ZNF717: variants seen among roughly 807,000 people sequenced by gnomAD.
ZNF717 encodes krueppel-like factor X17.
A neutral mutation model predicts 13.8 loss-of-function variants in ZNF717; 9 were observed. The ratio of observed to expected loss-of-function variants is 0.65; its 90% CI spans 0.39 to 1.14. ZNF717 has a LOEUF of 1.14. ZNF717 is among the 50% of genes most tolerant of loss of function. The pLI is 0.01. For missense variants in ZNF717, 1,040 were observed against 1,080.7 expected, an observed-to-expected ratio of 0.96 and a Z score of 0.53; for synonymous variants, 327 against 364.1, an observed-to-expected ratio of 0.90 and a Z score of 1.16.
chr3:75,746,218 G>C (rs1024569669), intron 2 of ZNF717, among the ~76,000 whole-genome samples: 3 of 152,068 alleles, frequency 2.0e-5, no homozygotes, highest in Admixed American at 6.6e-5. Context: ...ATTTTTTATG[G>C]CTGCATAGTA....
intron 4 of ZNF717, among the ~76,000 whole-genome samples, chr3:75,721,745 G>C (rs1178343633): frequency 1.3e-5 from 2 of 151,778 alleles, no homozygotes; most frequent in African/African-American, 4.8e-5. Context: ...ATGATAGAAA[G>C]AAAAAATGAA....
At chr3:75,741,979 A>G (rs1940525124) in intron 2 of ZNF717, 1 of 505,286 alleles carries the variant, frequency 2.0e-6, no homozygotes. Flanking sequence ...TGTATTTTAC[A>G]TAAGATGTAG....
At position 75,778,236 on chromosome 3, in the gene ZNF717, GC is replaced by G. The variant is rs1288932876; in HGVS notation, c.57+5069del. 2.8e-4 allele frequency among the ~76,000 whole-genome samples: 33 copies of G among 118,604 alleles called. 1 individual carries two copies. The highest frequency in any genetic ancestry group is 4.6e-4 in the Non-Finnish European group (26 of 56,964). The allele number at this position is 118,604 out of a possible 152,430, so 77.8% of individuals were successfully genotyped here. On this transcript the variant is annotated intron_variant, in intron 2 of 4. Transcript: ENST00000652011. ...TAAAACTGGAACCCAAAACAATGGAGCTGACGTGCTAAAACCGGAACCCAAA... is the reference window on the plus strand; with the variant it reads ...TAAAACTGGAACCCAAAACAATGGAGTGACGTGCTAAAACCGGAACCCAAA...
intron 2 of ZNF717, among the ~76,000 whole-genome samples, chr3:75,765,027 A>ATATATATATATG (rs1943348111): frequency 2.4e-5 from 1 of 42,078 alleles, no homozygotes; most frequent in African/African-American, 1.0e-4. Context: ...ATATATATAT[A>ATATATATATATG]TATGTATATG....
intron 2 of ZNF717, among the ~76,000 whole-genome samples, chr3:75,761,667 A>G (rs1178338517): frequency 6.6e-6 from 1 of 152,292 alleles, no homozygotes; most frequent in African/African-American, 2.4e-5. Context: ...GAAATTCAAC[A>G]AAGTTTCAGG....
intron 5 of ZNF717, among the ~76,000 whole-genome samples, chr3:75,715,747 C>T (rs79206495): frequency 6.6e-6 from 1 of 152,046 alleles, no homozygotes; most frequent in Admixed American, 6.6e-5. Context: ...AGTGAATGGG[C>T]AGAAGAAGGA....
chr3:75,738,097 C>A lies in ZNF717; in HGVS notation c.1526G>T (p.Cys509Phe). ...WTHTGEKPYE[C>F]NECGKTFRCK... ...GCGAAAGGTTTTCCCACATTCATTG[C>A]ATTCGTAGGGTTTTTCCCCTGTGTG... The change falls in exon 5 of 5, where the codon TGC becomes TTC. Residue 509 changes from cysteine (C) to phenylalanine (F), a missense_variant. By Grantham distance (205) the Cys-to-Phe change is radical (BLOSUM62 -2). Around this residue, in one of 3 missense-constraint regions of ZNF717, gnomAD observed 873 missense variants for 832.8 expected, o/e 1.05. Coordinates refer to ENST00000652011, the MANE Select transcript of ZNF717 (RefSeq NM_001290208.3). 7.4e-7 allele frequency: 1 copy of A among 1,351,034 alleles called. No individual in the cohort carries two copies. The highest frequency in any genetic ancestry group is 9.9e-7 in the Non-Finnish European group (1 of 1,011,270). 83.7% of individuals were successfully genotyped at this position (1,351,034 alleles called of 1,614,324 possible). A position where few individuals can be genotyped will look rare whatever the true frequency, so the allele number is the denominator to read the frequency against.
chr3:75,704,600 T>A (rs73841512), intron 6 of ZNF717, among the ~76,000 whole-genome samples: 111 of 152,392 alleles, frequency 7.3e-4, no homozygotes, highest in Middle Eastern at 3.4e-3. Flanking sequence ...TAGAGGCCCT[T>A]GGGAATACTG....
At position 75,736,244 on chromosome 3, in the gene ZNF717, C is replaced by T. The variant is rs1939186301; in HGVS notation, c.*634G>A. The stretch of plus-strand genomic sequence containing the variant: ...ATACAACAATGAAATTAGGCCACTT[C>T]ACTCTGCAGTGGCCACCATGTGTTC... On this transcript the variant is annotated 3_prime_UTR_variant, in exon 5 of 5. Coordinates refer to ENST00000652011, the MANE Select transcript of ZNF717 (RefSeq NM_001290208.3). 1 of 152,340 alleles carries T rather than the reference C, an allele frequency of 6.6e-6. No homozygotes were observed. The highest frequency in any genetic ancestry group is 6.5e-5 in the Admixed American group (1 of 15,292). The allele number at this position is 152,340 out of a possible 1,614,324, so 9.4% of individuals were successfully genotyped here. A position where few individuals can be genotyped will look rare whatever the true frequency, so the allele number is the denominator to read the frequency against.
At chr3:75,780,872 G>T (rs1229878625) in intron 2 of ZNF717, among the ~76,000 whole-genome samples, 4 of 152,270 alleles carry the variant, frequency 2.6e-5, no homozygotes, top group Admixed American at 6.5e-5. Flanking sequence ...ACCAGGTTTT[G>T]TTTTTCTCCT....
intron 2 of ZNF717, among the ~76,000 whole-genome samples, chr3:75,768,042 CCATTCTCAGGGACCAGGACTGAGCGT>C (rs1177686942): frequency 7.9e-5 from 12 of 152,150 alleles, no homozygotes; most frequent in Admixed American, 1.3e-4. Flanking sequence ...GGCACAAACG[CCATTCTCAGGGACCAGGACTGAGCGT>C]CATTCTCAGG....
intron 2 of ZNF717, among the ~76,000 whole-genome samples, chr3:75,772,097 G>T (rs1379770395): frequency 3.0e-3 from 450 of 149,930 alleles, no homozygotes; most frequent in African/African-American, 0.011. Flanking sequence ...GCACTCCTCA[G>T]CTCAAACAGC....
chr3:75,750,627 T>G (rs1941673267), intron 2 of ZNF717, among the ~76,000 whole-genome samples: 1 of 152,000 alleles, frequency 6.6e-6, no homozygotes, highest in African/African-American at 2.4e-5. Context: ...AGAACACTGC[T>G]GCTGGAGTCT....
chr3:75,717,133 C>T (rs1256058862), intron 4 of ZNF717, among the ~76,000 whole-genome samples: 29 of 150,966 alleles, frequency 1.9e-4, no homozygotes, highest in African/African-American at 6.3e-4. Context: ...TTGCTAAATA[C>T]AAAAGACAAG....
chr3:75,783,922 C>T (rs1421024022), intron 1 of ZNF717, among the ~76,000 whole-genome samples: 1 of 152,078 alleles, frequency 6.6e-6, no homozygotes, highest in African/African-American at 2.4e-5. Flanking sequence ...CTCATGTTTC[C>T]CAATAACACC....
At chr3:75,728,849 G>A (rs1185262115), downstream of ZNF717, among the ~76,000 whole-genome samples, 2 of 152,158 alleles carry the variant, frequency 1.3e-5, no homozygotes, top group African/African-American at 4.8e-5. Context: ...CTTTGTCTCA[G>A]TGAATCTCAT....
intron 6 of ZNF717, among the ~76,000 whole-genome samples, chr3:75,695,265 ATCAAT>A (rs1937591174): frequency 6.6e-6 from 1 of 152,296 alleles, no homozygotes; most frequent in African/African-American, 2.4e-5. Context: ...TAATAAAGAG[ATCAAT>A]TCAAGAGGAT....
downstream of ZNF717, among the ~76,000 whole-genome samples, chr3:75,731,522 C>A (rs1180536143): frequency 2.7e-5 from 3 of 112,952 alleles, no homozygotes; most frequent in Admixed American, 9.7e-5. Flanking sequence ...GATTGCACCA[C>A]TGCACTCCAG....
At chr3:75,752,664 C>T (rs1214875397) in intron 2 of ZNF717, among the ~76,000 whole-genome samples, 2 of 151,070 alleles carry the variant, frequency 1.3e-5, no homozygotes, top group African/African-American at 2.4e-5. Context: ...GATTCCAGAA[C>T]ACTGCTACAA....
Sources: allele counts gnomAD v4.1 joint callset (sites outside exome capture counted in the v4.1 genomes callset), GRCh38; gene constraint gnomAD v4.1.1; regional missense constraint gnomAD v4.1.1; transcripts MANE v1.5; gene names NCBI Gene and HGNC (gene_info 2026-07-23, HGNC 2026-07-21).